Variants in LAMA2 observed in about 807,000 individuals in gnomAD.
LAMA2 encodes laminin subunit alpha 2.
In LAMA2, 269 loss-of-function variants were observed where a neutral mutation model predicts 364.8. The ratio of observed to expected loss-of-function variants is 0.74; its 90% CI spans 0.67 to 0.82. LAMA2 has a LOEUF of 0.82. Ranked by LOEUF, LAMA2 falls within the 40% of genes least tolerant of loss-of-function variation. The pLI is 0.00. For synonymous variants in LAMA2, 1,379 were observed against 1,370.6 expected (o/e 1.01, Z -0.14); for missense variants, 3,807 against 3,873.2 (o/e 0.98, Z 0.45).
At chr6:129,255,625 A>T (rs1786608462) in intron 14 of LAMA2, among the ~76,000 whole-genome samples, 1 of 152,220 alleles carries the variant, frequency 6.6e-6, no homozygotes, top group South Asian at 2.1e-4. Flanking sequence ...GAAAATAAAT[A>T]CAGAATCTTT....
intron 1 of LAMA2, among the ~76,000 whole-genome samples, chr6:128,910,698 AG>A (rs755225838): frequency 2.0e-5 from 3 of 152,030 alleles, no homozygotes; most frequent in Non-Finnish European, 4.4e-5. Context: ...GTTCCTTTGG[AG>A]GAGGAGAGGC....
intron 34 of LAMA2, among the ~76,000 whole-genome samples, chr6:129,380,682 G>C (rs1431176073): frequency 6.6e-6 from 1 of 152,064 alleles, no homozygotes; most frequent in East Asian, 1.9e-4. Context: ...AAAGACAATG[G>C]GATACAAGAA....
In LAMA2 at chr6:129,161,850, G is replaced by A. The variant is rs553684743; in HGVS notation, c.1207-3726G>A. 3.9e-5 allele frequency among the ~76,000 whole-genome samples: 6 copies of A among 152,238 alleles called. No homozygotes were observed. In the East Asian group the frequency reaches 9.6e-4, roughly 24 times the overall value. On this transcript the variant is annotated intron_variant, in intron 8 of 64. Transcript: ENST00000421865. Reference sequence around the variant, plus strand: ...CATGATTTTATTCTTTTTTATGGCTGTGTAGTATTCCATGGTGTATATGTA... The same window carrying A: ...CATGATTTTATTCTTTTTTATGGCTATGTAGTATTCCATGGTGTATATGTA...
At chr6:129,147,094 G>A (rs1242750357) in intron 6 of LAMA2, 46 bp downstream of exon 6, 4 of 1,210,526 alleles carry the variant, frequency 3.3e-6, no homozygotes, top group Admixed American at 3.4e-5. Flanking sequence ...GCCCTGAGCT[G>A]TAAAATGTTT....
rs1776323470 is a variant in LAMA2, at chr6:129,114,128, G to A, written c.639+15713G>A. On this transcript the variant is annotated intron_variant, in intron 4 of 64. Coordinates refer to ENST00000421865, the MANE Select transcript of LAMA2 (RefSeq NM_000426.4). ...CCTTTAGACTTTGGACTCCAAAATT[G>A]GATGCAGATCAAATAGGATATTTAT... 2.0e-5 allele frequency among the ~76,000 whole-genome samples: 3 copies of A among 151,992 alleles called. No individual in the cohort carries two copies. In the South Asian group the frequency reaches 6.2e-4, roughly 32 times the overall value.
intron 29 of LAMA2, 113 bp downstream of exon 29, chr6:129,328,525 T>C (rs1423298326): frequency 6.6e-7 from 1 of 1,514,864 alleles, no homozygotes; most frequent in Non-Finnish European, 9.1e-7. Flanking sequence ...ACTGTGTGTG[T>C]GAAATAAAAT....
chr6:129,165,431 A>G (rs1779685928), intron 8 of LAMA2, 145 bp from the exon 9 acceptor site: 5 of 571,872 alleles, frequency 8.7e-6, no homozygotes, highest in Non-Finnish European at 1.6e-5. Context: ...AATTATAAAC[A>G]TGTATTAAAG....
chr6:129,066,300 C>T (rs1156242106), intron 3 of LAMA2, among the ~76,000 whole-genome samples: 2 of 151,704 alleles, frequency 1.3e-5, no homozygotes, highest in African/African-American at 4.8e-5. Context: ...CCGCCTCGGC[C>T]TCCCAAAGTG....
intron 62 of LAMA2, among the ~76,000 whole-genome samples, chr6:129,507,947 T>A (rs1786237557): frequency 6.6e-6 from 1 of 151,998 alleles, no homozygotes. Context: ...TATACTATGT[T>A]GTTTTTCTAC....
chr6:129,201,189 C>G (rs1049122931), intron 12 of LAMA2, among the ~76,000 whole-genome samples: 3 of 152,128 alleles, frequency 2.0e-5, no homozygotes, highest in African/African-American at 7.2e-5. Flanking sequence ...AGATTATTGC[C>G]TGGGGACAGT....
intron 55 of LAMA2, among the ~76,000 whole-genome samples, chr6:129,485,934 A>C (rs1218056724): frequency 1.3e-5 from 2 of 152,218 alleles, no homozygotes; most frequent in African/African-American, 4.8e-5. Context: ...TGGTTGCTAT[A>C]GTAACAGTAG....
At chr6:129,217,577 G>A (rs1783507951) in intron 12 of LAMA2, among the ~76,000 whole-genome samples, 1 of 152,102 alleles carries the variant, frequency 6.6e-6, no homozygotes, top group Admixed American at 6.5e-5. Context: ...TTATCATGTT[G>A]TCAGTAAATT....
At chr6:129,371,541 G>T (rs13204236) in intron 34 of LAMA2, among the ~76,000 whole-genome samples, 1 of 151,690 alleles carries the variant, frequency 6.6e-6, no homozygotes, top group African/African-American at 2.4e-5. Flanking sequence ...GCAAAACTGC[G>T]CAGTCCTTGC....
At chr6:129,456,212 T>C (rs2114794517) in intron 47 of LAMA2, 123 bp from the exon 48 acceptor site, 1 of 947,486 alleles carries the variant, frequency 1.1e-6, no homozygotes, top group Non-Finnish European at 1.7e-6. Flanking sequence ...GCCAGTTTTC[T>C]CTTAAATTCT....
At chr6:129,431,956 C>T (rs1021851692) in intron 41 of LAMA2, among the ~76,000 whole-genome samples, 1 of 152,202 alleles carries the variant, frequency 6.6e-6, no homozygotes, top group African/African-American at 2.4e-5. Context: ...AACTGGAATA[C>T]TGCAGTGCTG....
chr6:129,379,846 A>G (rs1472476643), intron 34 of LAMA2, among the ~76,000 whole-genome samples: 2 of 152,214 alleles, frequency 1.3e-5, no homozygotes, highest in African/African-American at 4.8e-5. Flanking sequence ...TTTCCTGGCA[A>G]GCATAGCACC....
intron 10 of LAMA2, among the ~76,000 whole-genome samples, chr6:129,186,994 A>C (rs1408448898): frequency 6.6e-6 from 1 of 151,878 alleles, no homozygotes; most frequent in African/African-American, 2.4e-5. Context: ...AGCAACGATA[A>C]GAAATAATGA....
At chr6:129,211,711 A>G (rs115665649) in intron 12 of LAMA2, among the ~76,000 whole-genome samples, 3,506 of 152,320 alleles carry the variant, frequency 0.023, 151 homozygotes, top group African/African-American at 0.078. Context: ...ATTGAATTCT[A>G]TAGGAAATGT....
chr6:129,331,166 G>A (rs1224847071), intron 29 of LAMA2, among the ~76,000 whole-genome samples: 2 of 152,078 alleles, frequency 1.3e-5, no homozygotes, highest in African/African-American at 2.4e-5. Context: ...GTAAGCCACT[G>A]CGCCCGGCCA....
Sources: gnomAD v4.1 joint callset for allele counts (sites outside exome capture counted in the v4.1 genomes callset) on GRCh38, gnomAD v4.1.1 for gene constraint, MANE v1.5 for transcripts, NCBI Gene and HGNC (gene_info 2026-07-23, HGNC 2026-07-21) for gene names.